Variants in RABGAP1 observed in about 807,000 individuals in gnomAD.
RABGAP1 encodes rab GTPase-activating protein 1.
RABGAP1 carries 23 observed loss-of-function variants against 137.6 expected under a neutral mutation model. The observed-to-expected ratio is 0.17, with a 90% confidence interval of 0.12 to 0.24. RABGAP1 has a LOEUF of 0.24. RABGAP1 is among the 10% of genes least tolerant of loss of function. The pLI is 1.00. For missense variants in RABGAP1, 906 were observed against 1,275.8 expected (o/e 0.71, Z 4.42); for synonymous variants, 451 against 450.7 (o/e 1.00, Z -0.01).
chr9:123,017,351 G>A (rs912544533), intron 12 of RABGAP1, among the ~76,000 whole-genome samples: 3 of 152,116 alleles, frequency 2.0e-5, no homozygotes, highest in African/African-American at 7.2e-5. Context: ...TAATTAACAT[G>A]TCTTCCTATT....
In RABGAP1 at chr9:123,087,349, T is replaced by G. The variant is rs556877331; in HGVS notation, c.2425-2409T>G. ...TACAGGATTTGGTGTCAATTTGTTT[T>G]TTTTTAATAAAGTGCCATGGGAGCC... On this transcript the variant is annotated intron_variant, in intron 19 of 25. Coordinates refer to ENST00000373647, the MANE Select transcript of RABGAP1 (RefSeq NM_012197.4). Among the ~76,000 whole-genome samples, 8 of 152,356 alleles carry G rather than the reference T, an allele frequency of 5.3e-5. No individual in the cohort carries two copies. In the East Asian group the frequency reaches 1.5e-3, roughly 29 times the overall value.
At chr9:123,089,595 C>G in intron 19 of RABGAP1, 163 bp from the exon 20 acceptor site, 1 of 593,348 alleles carries the variant, frequency 1.7e-6, no homozygotes, top group Non-Finnish European at 3.0e-6. Context: ...GGGTCCTGGG[C>G]TTATACCCTA....
intron 13 of RABGAP1, among the ~76,000 whole-genome samples, chr9:123,022,303 TATATG>T (rs2031689782): frequency 6.6e-6 from 1 of 152,238 alleles, no homozygotes; most frequent in Non-Finnish European, 1.5e-5. Flanking sequence ...ACCTGGTAGT[TATATG>T]ATATGTAAAA....
intron 2 of RABGAP1, among the ~76,000 whole-genome samples, chr9:122,968,628 T>A (rs978814028): frequency 3.3e-5 from 5 of 152,160 alleles, no homozygotes; most frequent in Non-Finnish European, 7.3e-5. Flanking sequence ...ATTGTTACTA[T>A]TTTTGAGACA....
chr9:123,063,099 A>C (rs1325852086), intron 13 of RABGAP1: 1 of 152,174 alleles, frequency 6.6e-6, no homozygotes, highest in Non-Finnish European at 1.5e-5. Flanking sequence ...CAAATCTCAT[A>C]TCTCTAATAA....
intron 2 of RABGAP1, among the ~76,000 whole-genome samples, chr9:122,976,190 C>T (rs944883858): frequency 6.6e-6 from 1 of 152,022 alleles, no homozygotes; most frequent in African/African-American, 2.4e-5. Context: ...CTGCTAAATG[C>T]TAAATTGGCC....
intron 23 of RABGAP1, 100 bp from the exon 24 acceptor site, chr9:123,099,378 C>T (rs1377784505): frequency 8.8e-7 from 1 of 1,133,686 alleles, no homozygotes; most frequent in Non-Finnish European, 1.3e-6. Context: ...CTATTTGCTA[C>T]TATGTTAATT....
chr9:122,979,459 C>A lies in RABGAP1; in HGVS notation c.151-5026C>A, dbSNP rs1249663789. Among the ~76,000 whole-genome samples the A allele has an allele frequency of 3.0e-4, 46 of 152,126 alleles. 1 individual carries two copies. The highest frequency in any genetic ancestry group is 3.0e-3 in the Admixed American group (46 of 15,268). ...CATTCTCTTAAGAGTTTCTTTTGAG[C>A]AGAACTTTTTAATTTTAATTAAGTT... On this transcript the variant is annotated intron_variant, in intron 2 of 25. Transcript: ENST00000373647.
chr9:123,056,749 T>C (rs1364447778), intron 13 of RABGAP1, among the ~76,000 whole-genome samples: 1 of 152,146 alleles, frequency 6.6e-6, no homozygotes, highest in Non-Finnish European at 1.5e-5. Context: ...TTAATCCATT[T>C]AACCCTGAGT....
At chr9:123,094,500 A>C (rs1206481896) in intron 21 of RABGAP1, among the ~76,000 whole-genome samples, 2 of 152,220 alleles carry the variant, frequency 1.3e-5, no homozygotes, top group East Asian at 3.8e-4. Context: ...TTTTCAATGT[A>C]AACCAACCTT....
chr9:123,066,272 T>C (rs1263493182), intron 14 of RABGAP1, among the ~76,000 whole-genome samples: 1 of 152,244 alleles, frequency 6.6e-6, no homozygotes. Context: ...TTAGATTTCA[T>C]TTTAACTTTT....
chr9:123,089,911 C>T, intron 20 of RABGAP1, 61 bp downstream of exon 20: 1 of 1,398,646 alleles, frequency 7.1e-7, no homozygotes, highest in South Asian at 1.2e-5. Flanking sequence ...TATGATTGCG[C>T]CTGTAACTAG....
At chr9:123,094,909 GGTT>G (rs1317751792) in intron 21 of RABGAP1, among the ~76,000 whole-genome samples, 2 of 152,114 alleles carry the variant, frequency 1.3e-5, no homozygotes, top group African/African-American at 2.4e-5. Context: ...GTTGATATAA[GGTT>G]GTTTGTATTC....
chr9:123,020,315 C>T lies in RABGAP1; in HGVS notation c.1650C>T (p.Leu550=), dbSNP rs2031544774. 4 of 1,545,624 alleles carry T rather than the reference C, an allele frequency of 2.6e-6. No homozygotes were observed. In the South Asian group the frequency reaches 5.1e-5, roughly 20 times the overall value. ...TWGELLSKWH[L]NLNVRPKQLS... is the part of the protein sequence containing the mutation. ...TTTATGGCCTTATTTTTAGGCATCT[C>T]AACTTGAATGTGAGACCGAAGCAGT... The change falls in exon 13 of 26, where the codon CTC becomes CTT. Residue 550 remains leucine, a synonymous_variant. Coordinates refer to ENST00000373647, the MANE Select transcript of RABGAP1 (RefSeq NM_012197.4).
chr9:123,021,370 C>T (rs1475953037), intron 13 of RABGAP1, among the ~76,000 whole-genome samples: 7 of 133,560 alleles, frequency 5.2e-5, no homozygotes, highest in Non-Finnish European at 1.1e-4. Flanking sequence ...CTTGCCCAGG[C>T]TGGAGTGCAG....
chr9:123,075,523 C>T (rs1588381650), intron 17 of RABGAP1, among the ~76,000 whole-genome samples: 1 of 152,126 alleles, frequency 6.6e-6, no homozygotes, highest in Admixed American at 6.6e-5. Context: ...TGCCGTTTTT[C>T]TTAGTTGCTG....
At chr9:123,048,883 A>T (rs2033335943) in intron 13 of RABGAP1, among the ~76,000 whole-genome samples, 1 of 152,196 alleles carries the variant, frequency 6.6e-6, no homozygotes, top group African/African-American at 2.4e-5. Flanking sequence ...GTTAGCATTT[A>T]TGTCTTATTT....
intron 10 of RABGAP1, among the ~76,000 whole-genome samples, chr9:123,005,787 A>G (rs1044077475): frequency 2.6e-5 from 4 of 152,224 alleles, no homozygotes; most frequent in Admixed American, 6.5e-5. Flanking sequence ...TATTAGTATA[A>G]TCACTGACAC....
At chr9:122,971,097 G>A (rs184571143) in intron 2 of RABGAP1, among the ~76,000 whole-genome samples, 51 of 152,308 alleles carry the variant, frequency 3.3e-4, no homozygotes, top group Middle Eastern at 6.8e-3. Flanking sequence ...TGTTGGAGCT[G>A]AGATCTCCTC....
Sources: allele counts gnomAD v4.1 joint callset (sites outside exome capture counted in the v4.1 genomes callset), GRCh38; gene constraint gnomAD v4.1.1; transcripts MANE v1.5; gene names NCBI Gene and HGNC (gene_info 2026-07-23, HGNC 2026-07-21).